Variants in DPP8 observed in about 807,000 individuals in gnomAD.
The protein encoded by DPP8 is DPP VIII.
A neutral mutation model predicts 107.5 loss-of-function variants in DPP8; 31 were observed. The ratio of observed to expected loss-of-function variants is 0.29; its 90% confidence interval spans 0.22 to 0.39. The LOEUF (loss-of-function observed/expected upper bound fraction) is 0.39, where lower values mean the gene tolerates loss of function less well. Among genes scored for constraint, DPP8 ranks in the 10% least tolerant of loss-of-function variants. The pLI, the probability that DPP8 is intolerant of heterozygous loss-of-function variation, is 1.00. For missense variants in DPP8, 842 were observed against 1,076.1 expected (o/e 0.78, Z 3.04); for synonymous variants, 381 against 356.6 (o/e 1.07, Z -0.77).
intron 12 of DPP8, among the ~76,000 whole-genome samples, chr15:65,473,073 G>A (rs1208434613): frequency 6.6e-6 from 1 of 151,898 alleles, no homozygotes; most frequent in East Asian, 1.9e-4. Context: ...GGACGCAGTG[G>A]CTCACACCTG....
chr15:65,447,006 T>A lies in DPP8; in HGVS notation c.2527A>T (p.Ile843Phe). Residue 843 changes from isoleucine (I) to phenylalanine (F), a missense_variant and splice_region_variant, in exon 20 of 20, where the codon ATC becomes TTC. Around this residue, in one of 2 missense-constraint regions of DPP8, gnomAD observed 179 missense variants for 318.0 expected, o/e 0.56. Transcript: ENST00000300141. ...VRAGKPYDLQ[I>F]YPQERHSIRV... ...ATGCTGTGTCTCTCCTGAGGATAGA[T>A]CTTACCAACAACAAAAAATAAAGAT... The A allele has an allele frequency of 6.4e-7, 1 of 1,563,112 alleles. No homozygotes were observed. The highest frequency in any genetic ancestry group is 1.2e-5 in the South Asian group (1 of 83,030).
intron 3 of DPP8, among the ~76,000 whole-genome samples, chr15:65,505,527 CA>C (rs1481760344): frequency 6.6e-6 from 1 of 152,042 alleles, no homozygotes; most frequent in Non-Finnish European, 1.5e-5. Flanking sequence ...ACAGTTTTGC[CA>C]ATTTTTCTGA....
At chr15:65,460,759 G>A (rs552677551) in intron 15 of DPP8, among the ~76,000 whole-genome samples, 1 of 152,146 alleles carries the variant, frequency 6.6e-6, no homozygotes, top group Admixed American at 6.6e-5. Context: ...ACTGCCTTTT[G>A]GCTATTGTGC....
At chr15:65,473,931 G>A (rs1352012974) in intron 12 of DPP8, among the ~76,000 whole-genome samples, 4 of 151,944 alleles carry the variant, frequency 2.6e-5, no homozygotes, top group Non-Finnish European at 5.9e-5. Flanking sequence ...GTGAAACCCC[G>A]TGTCTACTAA....
intron 11 of DPP8, chr15:65,475,211 T>TC (rs1198808540): frequency 1.7e-5 from 8 of 471,032 alleles, no homozygotes; most frequent in Non-Finnish European, 3.1e-5. Flanking sequence ...GCCAGGATAC[T>TC]CCCCCTCCCC....
intron 10 of DPP8, 56 bp from the exon 11 acceptor site, chr15:65,479,095 A>C: frequency 8.1e-7 from 1 of 1,232,204 alleles, no homozygotes; most frequent in Non-Finnish European, 1.1e-6. Context: ...TACATAATTC[A>C]ATTAGGCTAC....
At chr15:65,495,669 G>A (rs1016640714) in intron 5 of DPP8, among the ~76,000 whole-genome samples, 3 of 151,450 alleles carry the variant, frequency 2.0e-5, no homozygotes, top group African/African-American at 7.3e-5. Flanking sequence ...GGGAGGCCGA[G>A]GTGGGTGTAT....
intron 2 of DPP8, chr15:65,511,811 G>A: frequency 4.2e-6 from 1 of 240,928 alleles, no homozygotes. Context: ...TTGGAGGAGG[G>A]GAAGGAACCT....
intron 5 of DPP8, among the ~76,000 whole-genome samples, chr15:65,496,132 C>A (rs765572842): frequency 6.6e-6 from 1 of 151,492 alleles, no homozygotes; most frequent in Non-Finnish European, 1.5e-5. Context: ...TACAGGCACC[C>A]GCCACCACGC....
At chr15:65,513,693 G>A (rs1453976287) in intron 1 of DPP8, among the ~76,000 whole-genome samples, 1 of 151,838 alleles carries the variant, frequency 6.6e-6, no homozygotes, top group Non-Finnish European at 1.5e-5. Flanking sequence ...ATAAACTGGG[G>A]TTTACCGGTT....
At chr15:65,447,048 ATTTAGT>A in intron 19 of DPP8, 42 bp from the exon 20 acceptor site, 2 of 1,466,380 alleles carry the variant, frequency 1.4e-6, no homozygotes, top group Non-Finnish European at 1.8e-6. Flanking sequence ...AAAAAAAAGA[ATTTAGT>A]AATACATCTT....
chr15:65,476,984 G>C (rs1369875675), intron 11 of DPP8, among the ~76,000 whole-genome samples: 1 of 152,182 alleles, frequency 6.6e-6, no homozygotes, highest in African/African-American at 2.4e-5. Context: ...AAGACATCTA[G>C]AGTAGTTACA....
chr15:65,498,863 G>A (rs140768747), intron 4 of DPP8, among the ~76,000 whole-genome samples: 128 of 152,000 alleles, frequency 8.4e-4, no homozygotes, highest in African/African-American at 3.0e-3. Context: ...GACAAGCTGG[G>A]GCAATCTAGT....
chr15:65,499,706 A>C (rs1324212679), intron 4 of DPP8, among the ~76,000 whole-genome samples: 6 of 151,864 alleles, frequency 4.0e-5, no homozygotes, highest in Admixed American at 1.3e-4. Flanking sequence ...CTGGGACTAC[A>C]GGCGCATGCT....
At chr15:65,497,776 C>A in intron 5 of DPP8, 88 bp downstream of exon 5, 2 of 1,022,380 alleles carry the variant, frequency 2.0e-6, no homozygotes, top group Non-Finnish European at 1.4e-6. Context: ...GATCACCCAA[C>A]GTGGTAATCT....
At chr15:65,464,689 C>T (rs903394425) in intron 14 of DPP8, among the ~76,000 whole-genome samples, 2 of 152,028 alleles carry the variant, frequency 1.3e-5, no homozygotes, top group African/African-American at 2.4e-5. Context: ...GACACTGTCT[C>T]GACAACAACA....
In DPP8 at chr15:65,480,329, T is replaced by C; in HGVS notation, c.1189A>G (p.Ile397Val). 3 of 1,612,838 alleles carry C rather than the reference T, an allele frequency of 1.9e-6. No individual in the cohort carries two copies. The highest frequency in any genetic ancestry group is 2.5e-6 in the Non-Finnish European group (3 of 1,179,558). ...QIVLISPELF[I>V]PVEDDVMERQ... ...TCCATAACATCATCTTCTACTGGGA[T>C]AAATAATTCAGGTGAGATCAACACT... Residue 397 changes from isoleucine (I) to valine (V), a missense_variant, in exon 10 of 20, where the codon ATC (isoleucine) becomes GTC (valine). Ile to Val is a conservative substitution (Grantham distance 29). This residue lies in a region of DPP8 where 663 missense variants were observed against 758.0 expected (regional missense o/e 0.87). Coordinates refer to ENST00000300141, the MANE Select transcript of DPP8 (RefSeq NM_130434.5).
intron 17 of DPP8, among the ~76,000 whole-genome samples, chr15:65,452,553 C>CT (rs1253461645): frequency 1.3e-5 from 2 of 151,878 alleles, no homozygotes; most frequent in Non-Finnish European, 2.9e-5. Context: ...TTTAAATACT[C>CT]TATTTTCTTG....
chr15:65,508,663 A>C (rs1450242437), intron 2 of DPP8, among the ~76,000 whole-genome samples: 1 of 152,006 alleles, frequency 6.6e-6, no homozygotes, highest in Non-Finnish European at 1.5e-5. Context: ...GACCAGCCTG[A>C]CCAACATGGA....
Sources: gnomAD v4.1 joint callset for allele counts (sites outside exome capture counted in the v4.1 genomes callset) on GRCh38, gnomAD v4.1.1 for gene constraint, gnomAD v4.1.1 regional missense constraint, MANE v1.5 for transcripts, NCBI Gene and HGNC (gene_info 2026-07-23, HGNC 2026-07-21) for gene names.